APPBP2: variants seen among roughly 807,000 people sequenced by gnomAD.
APPBP2 encodes the protein amyloid beta precursor protein binding protein 2.
A neutral mutation model predicts 76.0 loss-of-function variants in APPBP2; 15 were observed. That is an observed-to-expected ratio of 0.20 (90% confidence interval 0.13 to 0.30). The LOEUF is 0.30. Ranked by LOEUF, APPBP2 falls within the 10% of genes least tolerant of loss-of-function variation. The pLI, the probability that APPBP2 is intolerant of heterozygous loss-of-function variation, is 1.00. For missense variants in APPBP2, 401 were observed against 687.2 expected, an observed-to-expected ratio of 0.58 and a Z score of 4.66; for synonymous variants, 222 against 242.2, an observed-to-expected ratio of 0.92 and a Z score of 0.77.
intron 5 of APPBP2, chr17:60,465,018 C>T (rs1458589897): frequency 2.6e-5 from 4 of 152,100 alleles, no homozygotes; most frequent in African/African-American, 4.8e-5. Flanking sequence ...TGGAGTGAGA[C>T]GCTGTCTCAA....
chr17:60,482,404 T>C (rs2143390625), intron 3 of APPBP2, among the ~76,000 whole-genome samples: 1 of 152,304 alleles, frequency 6.6e-6, no homozygotes, highest in Admixed American at 6.5e-5. Flanking sequence ...TACTTAGTAA[T>C]GCAGTCCTTT....
chr17:60,516,121 C>T (rs572697181), intron 1 of APPBP2, among the ~76,000 whole-genome samples: 5 of 152,038 alleles, frequency 3.3e-5, no homozygotes, highest in African/African-American at 1.2e-4. Context: ...AGAGATCATG[C>T]CACTGCACTC....
intron 3 of APPBP2, among the ~76,000 whole-genome samples, chr17:60,489,610 C>CA (rs746715643): frequency 0.033 from 1,705 of 52,454 alleles, 39 homozygotes; most frequent in Middle Eastern, 0.074. Context: ...GACCATGTCT[C>CA]AAAAAAAAAA....
At position 60,481,519 on chromosome 17, in the gene APPBP2, T is replaced by C. The variant is rs561381732; in HGVS notation, c.380-2248A>G. On this transcript the variant is annotated intron_variant, in intron 3 of 12. Coordinates refer to ENST00000083182, the MANE Select transcript of APPBP2 (RefSeq NM_006380.5). ...AACATCTACTTCATCCACATCTTGTTGAGAAGGAGAAAATTTATACAATGT... is the reference window on the plus strand; with the variant it reads ...AACATCTACTTCATCCACATCTTGTCGAGAAGGAGAAAATTTATACAATGT... 3.9e-5 allele frequency among the ~76,000 whole-genome samples: 6 copies of C among 152,328 alleles called. 1 individual carries two copies. The South Asian group carries it at 1.2e-3, about 32-fold the overall frequency.
chr17:60,472,365 TTTC>T (rs1313134888), intron 4 of APPBP2, among the ~76,000 whole-genome samples: 3 of 152,206 alleles, frequency 2.0e-5, no homozygotes, highest in Non-Finnish European at 4.4e-5. Context: ...AGATTTTCTA[TTTC>T]TTCTTGGGGC....
At chr17:60,524,551 T>G (rs2091034919) in intron 1 of APPBP2, among the ~76,000 whole-genome samples, 1 of 150,660 alleles carries the variant, frequency 6.6e-6, no homozygotes, top group East Asian at 2.0e-4. Context: ...ACTTTAATTG[T>G]TAGAATTGGT....
At chr17:60,490,455 T>C (rs1402369157) in intron 3 of APPBP2, among the ~76,000 whole-genome samples, 1 of 152,132 alleles carries the variant, frequency 6.6e-6, no homozygotes, top group Non-Finnish European at 1.5e-5. Flanking sequence ...GAAGAATGCT[T>C]GAGCCCAGGA....
chr17:60,490,036 GAAAACAAAAC>G (rs113547899), intron 3 of APPBP2, among the ~76,000 whole-genome samples: 12,079 of 151,438 alleles, frequency 0.08, 1,566 homozygotes, highest in African/African-American at 0.27. Context: ...CTCCATCTCA[GAAAACAAAAC>G]AAAACAAAAC....
Position 60,460,688 on chromosome 17 carries a change from T to C in APPBP2, c.1036A>G (p.Ser346Gly). The C allele has an allele frequency of 6.2e-7, 1 of 1,613,700 alleles. No homozygotes were observed. Among genetic ancestry groups the C allele is most frequent in the Non-Finnish European group, 8.5e-7 (1 of 1,179,732 alleles). ...LAYSSYVHQY[S>G]SGKFDNALFH... ...AGTGCATTGTCAAATTTCCCAGAGC[T>C]ATACTGGTGGACATAAGAAGAGTAG... Residue 346 changes from serine to glycine, a missense_variant, in exon 9 of 13, where the codon AGC becomes GGC. By Grantham distance (56) the Ser-to-Gly change is moderately conservative. Coordinates refer to ENST00000083182, the MANE Select transcript of APPBP2 (RefSeq NM_006380.5).
chr17:60,480,039 C>T (rs2090617574), intron 3 of APPBP2, among the ~76,000 whole-genome samples: 1 of 152,158 alleles, frequency 6.6e-6, no homozygotes, highest in Non-Finnish European at 1.5e-5. Flanking sequence ...TATACTGCAA[C>T]AGTTATTAAG....
intron 4 of APPBP2, among the ~76,000 whole-genome samples, chr17:60,472,788 C>A (rs924739220): frequency 6.6e-6 from 1 of 152,158 alleles, no homozygotes; most frequent in Non-Finnish European, 1.5e-5. Flanking sequence ...ACCCTGGAGG[C>A]CCTTAACATT....
intron 1 of APPBP2, among the ~76,000 whole-genome samples, chr17:60,506,920 C>T (rs2090872733): frequency 1.3e-5 from 2 of 152,108 alleles, no homozygotes; most frequent in Non-Finnish European, 2.9e-5. Context: ...CCTGTAGTCC[C>T]AGCTACTTGG....
chr17:60,524,610 GAAAAAAAAAAA>G (rs35185909), intron 1 of APPBP2, among the ~76,000 whole-genome samples: 694 of 49,964 alleles, frequency 0.014, 11 homozygotes, highest in African/African-American at 0.029. Context: ...TGCTAATTCT[GAAAAAAAAAAA>G]AAAAAAAAAA....
chr17:60,482,861 T>G (rs1457730260), intron 3 of APPBP2, among the ~76,000 whole-genome samples: 1 of 152,242 alleles, frequency 6.6e-6, no homozygotes, highest in East Asian at 1.9e-4. Context: ...GTTCCATGTC[T>G]TTGCTATTGT....
At chr17:60,470,226 C>G (rs915782967) in intron 4 of APPBP2, among the ~76,000 whole-genome samples, 1 of 151,902 alleles carries the variant, frequency 6.6e-6, no homozygotes, top group African/African-American at 2.4e-5. Context: ...GTGTATCTTC[C>G]TTGGGAAAAT....
chr17:60,461,923 A>G lies in APPBP2; in HGVS notation c.831-8T>C. 1 of 1,610,702 alleles carries G rather than the reference A, an allele frequency of 6.2e-7. No homozygotes were observed. The highest frequency in any genetic ancestry group is 8.5e-7 in the Non-Finnish European group (1 of 1,177,440). ...TTGGATCCAAAATGATCCCTATAAA[A>G]AGACACAAAATTATTAGGATATAAA... On this transcript the variant is annotated splice_polypyrimidine_tract_variant and splice_region_variant and intron_variant, in intron 7 of 12. Transcript: ENST00000083182.
chr17:60,471,542 T>C lies in APPBP2; in HGVS notation c.504-5083A>G, dbSNP rs557828014. ...TTAATCATGAAAAGGTGTTAGATTT[T>C]GCTAAATGTCTTTTCTGTGTCAACT... On this transcript the variant is annotated intron_variant, in intron 4 of 12. Transcript: ENST00000083182. Among the ~76,000 whole-genome samples the C allele has an allele frequency of 2.0e-5, 3 of 152,254 alleles. No individual in the cohort carries two copies. The South Asian group carries it at 6.2e-4, about 32-fold the overall frequency.
intron 4 of APPBP2, among the ~76,000 whole-genome samples, chr17:60,473,461 T>G (rs1183336899): frequency 1.3e-5 from 2 of 152,192 alleles, no homozygotes; most frequent in Non-Finnish European, 2.9e-5. Flanking sequence ...CTAAAAATAT[T>G]TTTGCCAACT....
intron 1 of APPBP2, among the ~76,000 whole-genome samples, chr17:60,512,915 A>G (rs1324406437): frequency 6.6e-6 from 1 of 150,660 alleles, no homozygotes; most frequent in East Asian, 1.9e-4. Context: ...AGTTTCAGAA[A>G]TAAGTCTGAA....
Sources: gnomAD v4.1 joint callset for allele counts (sites outside exome capture counted in the v4.1 genomes callset) on GRCh38, gnomAD v4.1.1 for gene constraint, MANE v1.5 for transcripts, NCBI Gene and HGNC (gene_info 2026-07-23, HGNC 2026-07-21) for gene names.